The following DEDD2 variants were observed in gnomAD, a reference collection of about 807,000 sequenced individuals.
DEDD2 encodes the protein DNA-binding death effector domain-containing protein 2.
A neutral mutation model predicts 28.9 loss-of-function variants in DEDD2; 18 were observed. The ratio of observed to expected loss-of-function variants is 0.62; its 90% CI spans 0.43 to 0.92. The LOEUF (loss-of-function observed/expected upper bound fraction) is 0.92, where lower values mean the gene tolerates loss of function less well. Ranked by LOEUF, DEDD2 falls within the 40% of genes least tolerant of loss-of-function variation. The pLI is 0.00. For synonymous variants in DEDD2, 211 were observed against 206.1 expected (o/e 1.02, Z -0.20); for missense variants, 411 against 463.3 (o/e 0.89, Z 1.04).
At chr19:42,209,966 T>C in intron 3 of DEDD2, 126 bp from the exon 4 acceptor site, 2 of 1,260,806 alleles carry the variant, frequency 1.6e-6, no homozygotes, top group African/African-American at 3.1e-5. Context: ...CTGCCTCCCT[T>C]CTTCAGTGGC....
intron 1 of DEDD2, 27 bp downstream of exon 1, chr19:42,217,605 C>T (rs1028041943): frequency 1.3e-5 from 2 of 156,594 alleles, no homozygotes; most frequent in Non-Finnish European, 2.8e-5. Flanking sequence ...CGCCACCAGT[C>T]ACCATTAGGC....
At position 42,212,300 on chromosome 19, in the gene DEDD2, A is replaced by G. The variant is rs370613918; in HGVS notation, c.449-2460T>C. Among the ~76,000 whole-genome samples, 15 of 152,058 alleles carry G rather than the reference A, an allele frequency of 9.9e-5. 1 individual carries two copies. In the South Asian group the frequency reaches 2.9e-3, roughly 29 times the overall value. ...AGGATCACTTAAACCTGGGAGGCAG[A>G]GGTTGCAGTGAGCTGAGATGGCGCC... On this transcript the variant is annotated intron_variant, in intron 3 of 4. Transcript: ENST00000596251.
chr19:42,198,736 C>G lies in DEDD2; in HGVS notation c.*702G>C, dbSNP rs2035203532. The G allele has an allele frequency of 6.6e-6, 1 of 152,264 alleles. No individual in the cohort carries two copies. Among genetic ancestry groups the G allele is most frequent in the Admixed American group, 6.6e-5 (1 of 15,266 alleles). 9.4% of individuals were successfully genotyped at this position (152,264 alleles called of 1,614,324 possible). A position where few individuals can be genotyped will look rare whatever the true frequency, so the allele number is the denominator to read the frequency against. On this transcript the variant is annotated 3_prime_UTR_variant, in exon 5 of 5. Coordinates refer to ENST00000596251, the MANE Select transcript of DEDD2 (RefSeq NM_133328.4). ...TTTGGCCCCATGTGCAACAGTAGGCCTTGGTATGATGCTGCCATAACACTC... is the reference window on the plus strand; with the variant it reads ...TTTGGCCCCATGTGCAACAGTAGGCGTTGGTATGATGCTGCCATAACACTC...
chr19:42,203,025 C>G (rs1052288138), intron 4 of DEDD2, among the ~76,000 whole-genome samples: 14 of 152,232 alleles, frequency 9.2e-5, no homozygotes, highest in Admixed American at 9.2e-4. Context: ...CTTTGATTGT[C>G]CCCACAACAA....
intron 2 of DEDD2, among the ~76,000 whole-genome samples, chr19:42,215,788 C>A (rs550457175): frequency 6.6e-5 from 10 of 152,136 alleles, no homozygotes; most frequent in Non-Finnish European, 4.4e-5. Context: ...TTCATGCACA[C>A]GGCTACCGGC....
intron 4 of DEDD2, 106 bp downstream of exon 4, chr19:42,209,594 C>G (rs926669028): frequency 7.0e-7 from 1 of 1,423,694 alleles, no homozygotes; most frequent in Non-Finnish European, 9.4e-7. Flanking sequence ...GAGCTGACAC[C>G]CATCTGCCAA....
chr19:42,209,661 G>A, intron 4 of DEDD2, 39 bp downstream of exon 4: 3 of 1,579,270 alleles, frequency 1.9e-6, no homozygotes, highest in Non-Finnish European at 2.6e-6. Context: ...ACCCACCCGG[G>A]GCACTCTACA....
chr19:42,207,285 G>T (rs1599765260), intron 4 of DEDD2, among the ~76,000 whole-genome samples: 1 of 152,200 alleles, frequency 6.6e-6, no homozygotes, highest in African/African-American at 2.4e-5. Context: ...CCCACTCCCT[G>T]GAGGGCCATT....
At chr19:42,205,684 G>C (rs959300065) in intron 4 of DEDD2, among the ~76,000 whole-genome samples, 1 of 151,988 alleles carries the variant, frequency 6.6e-6, no homozygotes, top group Admixed American at 6.6e-5. Context: ...TGAGATCATA[G>C]GGCAACCAGA....
chr19:42,203,181 T>C lies in DEDD2; in HGVS notation c.590-3352A>G, dbSNP rs537898297. Among the ~76,000 whole-genome samples, 3 of 152,276 alleles carry C rather than the reference T, an allele frequency of 2.0e-5. No homozygotes were observed. In the South Asian group the frequency reaches 6.2e-4, roughly 32 times the overall value. The stretch of plus-strand genomic sequence containing the variant: ...TGGCTCCAGTGCCCGAGCTCTTAAC[T>C]ACCCCTATCCTGTTGGCTACCTCAC... On this transcript the variant is annotated intron_variant, in intron 4 of 4. Transcript: ENST00000596251.
chr19:42,211,609 C>T (rs1191279107), intron 3 of DEDD2, among the ~76,000 whole-genome samples: 1 of 152,140 alleles, frequency 6.6e-6, no homozygotes, highest in Non-Finnish European at 1.5e-5. Flanking sequence ...CAAATAAAAT[C>T]TATGTTTCAT....
intron 3 of DEDD2, among the ~76,000 whole-genome samples, chr19:42,211,609 CTA>C (rs1365551191): frequency 1.3e-5 from 2 of 152,140 alleles, no homozygotes; most frequent in Non-Finnish European, 2.9e-5. Context: ...CAAATAAAAT[CTA>C]TGTTTCATTC....
chr19:42,208,336 T>C (rs2035615377), intron 4 of DEDD2, among the ~76,000 whole-genome samples: 1 of 146,730 alleles, frequency 6.8e-6, no homozygotes, highest in African/African-American at 2.5e-5. Flanking sequence ...CCTAGGTCAC[T>C]TCTCCTCACC....
chr19:42,205,484 G>A (rs914634712), intron 4 of DEDD2, among the ~76,000 whole-genome samples: 2 of 152,004 alleles, frequency 1.3e-5, no homozygotes, highest in African/African-American at 4.8e-5. Flanking sequence ...AAAATTAGCC[G>A]GGTGTGGTAG....
chr19:42,203,310 A>C (rs2035405434), intron 4 of DEDD2, among the ~76,000 whole-genome samples: 1 of 152,220 alleles, frequency 6.6e-6, no homozygotes. Context: ...ATCAGAGAGG[A>C]TCTCTCTAGG....
At chr19:42,219,617 C>T (rs1383927089), upstream of DEDD2, among the ~76,000 whole-genome samples, 1 of 152,190 alleles carries the variant, frequency 6.6e-6, no homozygotes, top group East Asian at 1.9e-4. Context: ...AACAAACAAA[C>T]CCTCCAAGAA....
At chr19:42,210,417 G>A (rs974769133) in intron 3 of DEDD2, among the ~76,000 whole-genome samples, 4 of 151,790 alleles carry the variant, frequency 2.6e-5, no homozygotes, top group African/African-American at 7.3e-5. Flanking sequence ...TTTTGAGACC[G>A]AGTTTCGCTC....
At chr19:42,216,103 G>A (rs572942669) in intron 2 of DEDD2, among the ~76,000 whole-genome samples, 1 of 152,304 alleles carries the variant, frequency 6.6e-6, no homozygotes, top group East Asian at 1.9e-4. Context: ...GGCTGGCAGT[G>A]CAGCCTCAGG....
Position 42,216,987 on chromosome 19 carries a change from G to A in DEDD2, c.21C>T (p.Thr7=). 6.3e-7 allele frequency: 1 copy of A among 1,593,736 alleles called. No individual in the cohort carries two copies. The highest frequency in any genetic ancestry group is 8.5e-7 in the Non-Finnish European group (1 of 1,170,786). ...CATCCTCCTCCCAGCACGGGGCCGG[G>A]GTCGACCCGGATAGCGCCATTCCCG... MALSGS[T]PAPCWEEDEC... The change falls in exon 2 of 5, where the codon ACC becomes ACT. Residue 7 remains threonine (T), a synonymous_variant. Transcript: ENST00000596251.
Sources: gnomAD v4.1 joint callset for allele counts (sites outside exome capture counted in the v4.1 genomes callset) on GRCh38, gnomAD v4.1.1 for gene constraint, MANE v1.5 for transcripts, NCBI Gene and HGNC (gene_info 2026-07-23, HGNC 2026-07-21) for gene names.